DYNC1I1: variants seen among roughly 807,000 people sequenced by gnomAD.
DYNC1I1 encodes the protein cytoplasmic dynein 1 intermediate chain 1.
A neutral mutation model predicts 86.6 loss-of-function variants in DYNC1I1; 43 were observed. That is an observed-to-expected ratio of 0.50 (90% confidence interval 0.39 to 0.64). The LOEUF (loss-of-function observed/expected upper bound fraction) is 0.64, where lower values mean the gene tolerates loss of function less well. Among genes scored for constraint, DYNC1I1 ranks in the 30% least tolerant of loss-of-function variants. The pLI is 0.00. For synonymous variants in DYNC1I1, 262 were observed against 283.7 expected, an observed-to-expected ratio of 0.92 and a Z score of 0.77; for missense variants, 604 against 788.8, an observed-to-expected ratio of 0.77 and a Z score of 2.81.
At chr7:95,780,040 GT>G (rs1032108375) in intron 1 of DYNC1I1, among the ~76,000 whole-genome samples, 3 of 152,144 alleles carry the variant, frequency 2.0e-5, no homozygotes, top group Admixed American at 2.0e-4. Context: ...AATCCTTTTC[GT>G]CTGGCTTTGG....
At chr7:95,891,182 G>T (rs896571666) in intron 6 of DYNC1I1, among the ~76,000 whole-genome samples, 4 of 152,132 alleles carry the variant, frequency 2.6e-5, no homozygotes, top group African/African-American at 9.7e-5. Context: ...CAAGGAAAGA[G>T]GACTCAGAAG....
chr7:95,991,916 A>G (rs1004378261), intron 9 of DYNC1I1, among the ~76,000 whole-genome samples: 1 of 152,152 alleles, frequency 6.6e-6, no homozygotes, highest in African/African-American at 2.4e-5. Context: ...GCTGGAGTGC[A>G]GTGGCATGAT....
At chr7:95,995,604 C>T (rs758970817) in intron 9 of DYNC1I1, among the ~76,000 whole-genome samples, 1 of 152,050 alleles carries the variant, frequency 6.6e-6, no homozygotes, top group Non-Finnish European at 1.5e-5. Flanking sequence ...GGAGAACCTG[C>T]AGGAACTGAA....
chr7:95,791,234 T>C lies in DYNC1I1; in HGVS notation c.-9-13487T>C, dbSNP rs370295012. ...TATGATAGTTTAAATTTGTGCTCACTTGGGGGTTGCAAAAACAGCTGGATG... is the reference window on the plus strand; with the variant it reads ...TATGATAGTTTAAATTTGTGCTCACCTGGGGGTTGCAAAAACAGCTGGATG... On this transcript the variant is annotated intron_variant, in intron 1 of 16. Coordinates refer to ENST00000447467, the MANE Select transcript of DYNC1I1 (RefSeq NM_001135556.2). Among the ~76,000 whole-genome samples, 33 of 152,354 alleles carry C rather than the reference T, an allele frequency of 2.2e-4. No homozygotes were observed. In the East Asian group the frequency reaches 2.9e-3, roughly 13 times the overall value.
In DYNC1I1 at chr7:95,908,507, C is replaced by T. The variant is rs537526356; in HGVS notation, c.490+38509C>T. 2.0e-5 allele frequency among the ~76,000 whole-genome samples: 3 copies of T among 152,262 alleles called. No individual in the cohort carries two copies. In the South Asian group the frequency reaches 6.2e-4, roughly 32 times the overall value. On this transcript the variant is annotated intron_variant, in intron 6 of 16. Coordinates refer to ENST00000447467, the MANE Select transcript of DYNC1I1 (RefSeq NM_001135556.2). ...AAAAAAGTGAATGACTCATGATGCT[C>T]ATAATACACCAAATGGCTAAATATT... is the stretch of plus-strand genomic sequence containing the variant.
At chr7:96,001,857 G>A (rs1444206639) in intron 10 of DYNC1I1, among the ~76,000 whole-genome samples, 1 of 152,104 alleles carries the variant, frequency 6.6e-6, no homozygotes, top group Non-Finnish European at 1.5e-5. Flanking sequence ...TTTGGTCGTG[G>A]TGGGGGAAGT....
At chr7:95,918,817 A>G (rs1207406759) in intron 6 of DYNC1I1, among the ~76,000 whole-genome samples, 4 of 152,190 alleles carry the variant, frequency 2.6e-5, no homozygotes, top group Non-Finnish European at 2.9e-5. Context: ...CATGCCCCCC[A>G]TTATTTTCCC....
At chr7:95,987,753 G>C (rs1412284691) in intron 9 of DYNC1I1, among the ~76,000 whole-genome samples, 1 of 152,132 alleles carries the variant, frequency 6.6e-6, no homozygotes, top group Non-Finnish European at 1.5e-5. Flanking sequence ...ACACCAGACA[G>C]AGCCACTATT....
In DYNC1I1 at chr7:95,904,617, ATG is replaced by A. The variant is rs1162751524; in HGVS notation, c.490+34625_490+34626del. Reference sequence around the variant, plus strand: ...TAAAAATACATATGTATGTATACATATGTGTGTATGTATATATATATATACAC... The same window carrying A: ...TAAAAATACATATGTATGTATACATATGTGTATGTATATATATATATACAC... On this transcript the variant is annotated intron_variant, in intron 6 of 16. Coordinates refer to ENST00000447467, the MANE Select transcript of DYNC1I1 (RefSeq NM_001135556.2). 4.1e-3 allele frequency among the ~76,000 whole-genome samples: 422 copies of A among 101,978 alleles called. 4 individuals are homozygous for A. Among genetic ancestry groups the A allele is most frequent in the African/African-American group, 0.02 (400 of 20,054 alleles). The allele number at this position is 101,978 out of a possible 152,430, so 66.9% of individuals were successfully genotyped here. A position where few individuals can be genotyped will look rare whatever the true frequency, so the allele number is the denominator to read the frequency against.
intron 1 of DYNC1I1, among the ~76,000 whole-genome samples, chr7:95,791,622 C>T (rs566878790): frequency 2.7e-4 from 41 of 152,234 alleles, no homozygotes; most frequent in South Asian, 1.9e-3. Flanking sequence ...ATAATTTATC[C>T]TCAAGGAATT....
intron 6 of DYNC1I1, among the ~76,000 whole-genome samples, chr7:95,939,788 T>G (rs1356910089): frequency 1.3e-5 from 2 of 152,156 alleles, no homozygotes; most frequent in African/African-American, 4.8e-5. Flanking sequence ...GAGAATTTAG[T>G]CCATTTACAT....
At chr7:95,805,723 A>T (rs1352638094) in intron 2 of DYNC1I1, among the ~76,000 whole-genome samples, 1 of 152,164 alleles carries the variant, frequency 6.6e-6, no homozygotes, top group Non-Finnish European at 1.5e-5. Context: ...ACCAGATACC[A>T]AAGATATTTT....
At chr7:96,081,914 T>TA (rs76056611) in intron 16 of DYNC1I1, among the ~76,000 whole-genome samples, 27 of 151,304 alleles carry the variant, frequency 1.8e-4, no homozygotes, top group Admixed American at 6.6e-4. Flanking sequence ...TAATTCTAAG[T>TA]AAAAAAAAAA....
intron 7 of DYNC1I1, among the ~76,000 whole-genome samples, chr7:95,979,944 A>G (rs1488963261): frequency 3.3e-5 from 5 of 152,182 alleles, no homozygotes; most frequent in Non-Finnish European, 7.3e-5. Context: ...AGGATCTATT[A>G]AAGTACTCCT....
intron 5 of DYNC1I1, among the ~76,000 whole-genome samples, chr7:95,864,288 A>C (rs1468409558): frequency 6.6e-6 from 1 of 152,238 alleles, no homozygotes; most frequent in Non-Finnish European, 1.5e-5. Context: ...CATAATGTCC[A>C]ATCAAGGACA....
intron 5 of DYNC1I1, among the ~76,000 whole-genome samples, chr7:95,865,147 A>T (rs140480582): frequency 1.3e-5 from 2 of 152,292 alleles, no homozygotes; most frequent in Non-Finnish European, 2.9e-5. Flanking sequence ...TCTCTGCTCT[A>T]GGATTTCTCG....
downstream of DYNC1I1, among the ~76,000 whole-genome samples, chr7:96,101,559 G>A (rs139620162): frequency 9.2e-4 from 140 of 152,294 alleles, 1 homozygote; most frequent in Middle Eastern, 0.014. Context: ...AGACTATTGG[G>A]TACATTATCT....
chr7:95,905,383 A>G (rs771501651), intron 6 of DYNC1I1, among the ~76,000 whole-genome samples: 4 of 152,186 alleles, frequency 2.6e-5, no homozygotes, highest in Non-Finnish European at 4.4e-5. Context: ...GCTCCCAGGA[A>G]TACAAAACTC....
At chr7:95,792,898 A>G (rs1243782751) in intron 1 of DYNC1I1, among the ~76,000 whole-genome samples, 1 of 151,604 alleles carries the variant, frequency 6.6e-6, no homozygotes, top group Non-Finnish European at 1.5e-5. Context: ...GCAAAAAAAA[A>G]CCACTTGGTA....
Sources: gnomAD v4.1 joint callset for allele counts (sites outside exome capture counted in the v4.1 genomes callset) on GRCh38, gnomAD v4.1.1 for gene constraint, MANE v1.5 for transcripts, NCBI Gene and HGNC (gene_info 2026-07-23, HGNC 2026-07-21) for gene names.